Variants in BACH2 observed in about 807,000 individuals in gnomAD.
BACH2 encodes transcription regulator protein BACH2.
Under a neutral mutation model 61.8 loss-of-function variants are expected in BACH2, and 5 were observed. The observed-to-expected ratio is 0.08, with a 90% CI of 0.04 to 0.17. The LOEUF (loss-of-function observed/expected upper bound fraction) is 0.17. BACH2 is among the 10% of genes least tolerant of loss of function. The pLI is 1.00. For synonymous variants in BACH2, 446 were observed against 440.1 expected, an observed-to-expected ratio of 1.01 and a Z score of -0.17; for missense variants, 824 against 1,091.1, an observed-to-expected ratio of 0.76 and a Z score of 3.45.
intron 6 of BACH2, among the ~76,000 whole-genome samples, chr6:90,005,247 T>A (rs2127779460): frequency 6.6e-6 from 1 of 152,174 alleles, no homozygotes; most frequent in African/African-American, 2.4e-5. Flanking sequence ...TTCAGGCTCC[T>A]AGGAGGAACT....
intron 4 of BACH2, among the ~76,000 whole-genome samples, chr6:90,098,434 C>CA (rs1782472015): frequency 6.6e-6 from 1 of 152,102 alleles, no homozygotes; most frequent in Non-Finnish European, 1.5e-5. Flanking sequence ...ATTTTTATTC[C>CA]AAAAATTAGG....
chr6:90,007,576 C>A (rs1417014081), intron 6 of BACH2, among the ~76,000 whole-genome samples: 1 of 152,134 alleles, frequency 6.6e-6, no homozygotes, highest in South Asian at 2.1e-4. Flanking sequence ...ATTTGCCAGG[C>A]CCCTGAAGGC....
rs951093785 is a variant in BACH2, at chr6:89,954,462, A to C, written c.244-2600T>G. ...TATCCCTCCCCCCTCCCCCCACCCC[A>C]CAACAGTCCCCAGAGTGTTCACACA... is the stretch of plus-strand genomic sequence containing the variant. On this transcript the variant is annotated intron_variant, in intron 6 of 8. Transcript: ENST00000257749. 8.9e-5 allele frequency among the ~76,000 whole-genome samples: 6 copies of C among 67,336 alleles called. No individual in the cohort carries two copies. In the Admixed American group the frequency reaches 1.2e-3, roughly 13 times the overall value. The allele number at this position is 67,336 out of a possible 152,430, so 44.2% of individuals were successfully genotyped here.
chr6:90,069,694 T>C lies in BACH2; in HGVS notation c.-13+19267A>G, dbSNP rs74639869. On this transcript the variant is annotated intron_variant, in intron 5 of 8. Coordinates refer to ENST00000257749, the MANE Select transcript of BACH2 (RefSeq NM_021813.4). ...CATCTTGTTTTGAACAAGGAAGTTA[T>C]GGAGAATATTATTCTAAACTTTGTA... Among the ~76,000 whole-genome samples, 1,092 of 152,342 alleles carry C rather than the reference T, an allele frequency of 7.2e-3. 53 individuals carry two copies. The East Asian group carries it at 0.14, about 19-fold the overall frequency.
At chr6:89,971,932 T>A (rs1775383864) in intron 6 of BACH2, among the ~76,000 whole-genome samples, 1 of 152,136 alleles carries the variant, frequency 6.6e-6, no homozygotes, top group Non-Finnish European at 1.5e-5. Context: ...AGCCAAACCA[T>A]GTCACAGGGG....
In BACH2 at chr6:89,930,567, A is replaced by T; in HGVS notation, c.*1841T>A. The stretch of plus-strand genomic sequence containing the variant: ...GGGCTGCTCAGTGAGACCCGGACCC[A>T]AGGCCACTGGAGCGAGGGAGCTGAT... On this transcript the variant is annotated 3_prime_UTR_variant, in exon 9 of 9. Transcript: ENST00000257749. The T allele has an allele frequency of 6.5e-6, 1 of 152,806 alleles. No homozygotes were observed. Among genetic ancestry groups the T allele is most frequent in the Non-Finnish European group, 1.5e-5 (1 of 68,088 alleles). 9.5% of individuals were successfully genotyped at this position (152,806 alleles called of 1,614,324 possible). A position where few individuals can be genotyped will look rare whatever the true frequency, so the allele number is the denominator to read the frequency against.
chr6:90,278,039 T>A (rs2127884986), intron 1 of BACH2, among the ~76,000 whole-genome samples: 1 of 152,354 alleles, frequency 6.6e-6, no homozygotes, highest in Non-Finnish European at 1.5e-5. Flanking sequence ...ATATGCAACA[T>A]TTATTCTACC....
At chr6:89,992,769 G>C (rs953432514) in intron 6 of BACH2, among the ~76,000 whole-genome samples, 2 of 152,178 alleles carry the variant, frequency 1.3e-5, no homozygotes, top group Admixed American at 6.5e-5. Context: ...GCTGTATGTG[G>C]ATAACTTTGT....
At chr6:90,219,690 C>A (rs1419028811) in intron 3 of BACH2, among the ~76,000 whole-genome samples, 3 of 152,154 alleles carry the variant, frequency 2.0e-5, no homozygotes, top group African/African-American at 7.2e-5. Context: ...CTTGATCCAG[C>A]ATGTTAAAAA....
At chr6:90,261,313 T>C (rs1771149493) in intron 2 of BACH2, among the ~76,000 whole-genome samples, 1 of 152,260 alleles carries the variant, frequency 6.6e-6, no homozygotes. Flanking sequence ...CTTCTTCCTG[T>C]CTAATGGATT....
chr6:90,192,979 T>A (rs749524482), intron 4 of BACH2, among the ~76,000 whole-genome samples: 2 of 152,168 alleles, frequency 1.3e-5, no homozygotes, highest in Non-Finnish European at 2.9e-5. Flanking sequence ...CTGAGAAAGA[T>A]GGGGTGGCTC....
chr6:90,265,194 A>G (rs1262681588), intron 2 of BACH2, among the ~76,000 whole-genome samples: 1 of 152,288 alleles, frequency 6.6e-6, no homozygotes, highest in East Asian at 1.9e-4. Flanking sequence ...GATCCACTTC[A>G]CCCTCAGAGA....
intron 8 of BACH2, among the ~76,000 whole-genome samples, chr6:89,935,662 T>C (rs929745272): frequency 6.6e-6 from 1 of 152,236 alleles, no homozygotes; most frequent in African/African-American, 2.4e-5. Flanking sequence ...ATTTGGTTTT[T>C]TGGTTGAAAA....
At chr6:90,219,533 C>T (rs557324424) in intron 3 of BACH2, among the ~76,000 whole-genome samples, 40 of 152,278 alleles carry the variant, frequency 2.6e-4, no homozygotes, top group African/African-American at 8.7e-4. Flanking sequence ...CCATTCATCA[C>T]GTACAAAGAA....
chr6:90,010,060 C>T (rs1234437213), intron 5 of BACH2, among the ~76,000 whole-genome samples: 3 of 152,182 alleles, frequency 2.0e-5, no homozygotes, highest in African/African-American at 4.8e-5. Context: ...ATTCCAGTAG[C>T]GAGTCCTACT....
chr6:90,283,727 G>T (rs548449200), intron 1 of BACH2, among the ~76,000 whole-genome samples: 7 of 152,212 alleles, frequency 4.6e-5, no homozygotes, highest in Non-Finnish European at 8.8e-5. Context: ...TTTAGGTCTG[G>T]CCAGGCACGG....
intron 6 of BACH2, among the ~76,000 whole-genome samples, chr6:90,000,054 G>A (rs1040548133): frequency 2.0e-5 from 3 of 152,216 alleles, no homozygotes; most frequent in Non-Finnish European, 4.4e-5. Context: ...CTGGCCTCAG[G>A]ATTTAAAAAA....
At chr6:90,075,632 G>GT (rs1562423872) in intron 5 of BACH2, among the ~76,000 whole-genome samples, 1 of 151,804 alleles carries the variant, frequency 6.6e-6, no homozygotes, top group African/African-American at 2.4e-5. Context: ...TATTATTATC[G>GT]TAACTGCAAT....
Position 90,283,568 on chromosome 6 carries a change from G to C in BACH2, c.-445-11627C>G, listed in dbSNP as rs143128269. On this transcript the variant is annotated intron_variant, in intron 1 of 8. Coordinates refer to ENST00000257749, the MANE Select transcript of BACH2 (RefSeq NM_021813.4). ...TTTTTTGTATTTTTACTAGAGACAGGGTTTCATCGTTTTAGCCAGGATGGT... is the reference window on the plus strand; with the variant it reads ...TTTTTTGTATTTTTACTAGAGACAGCGTTTCATCGTTTTAGCCAGGATGGT... 2.5e-3 allele frequency among the ~76,000 whole-genome samples: 374 copies of C among 150,712 alleles called. 4 individuals carry two copies. The highest frequency in any genetic ancestry group is 8.5e-3 in the African/African-American group (353 of 41,292).
Sources: allele counts gnomAD v4.1 joint callset (sites outside exome capture counted in the v4.1 genomes callset), GRCh38; gene constraint gnomAD v4.1.1; transcripts MANE v1.5; gene names NCBI Gene and HGNC (gene_info 2026-07-23, HGNC 2026-07-21).